Variants in SMG6 observed in about 807,000 individuals in gnomAD.
SMG6 encodes the protein SMG6 nonsense mediated mRNA decay factor.
A neutral mutation model predicts 142.2 loss-of-function variants in SMG6; 66 were observed. The observed-to-expected ratio is 0.46, with a 90% confidence interval of 0.38 to 0.57. SMG6 has a LOEUF of 0.57. Among genes scored for constraint, SMG6 ranks in the 20% least tolerant of loss-of-function variants. The pLI is 0.00. For synonymous variants in SMG6, 779 were observed against 702.4 expected (o/e 1.11, Z -1.72); for missense variants, 1,793 against 1,832.0 (o/e 0.98, Z 0.39).
chr17:2,207,808 G>A (rs1054867651), intron 10 of SMG6, among the ~76,000 whole-genome samples: 6 of 151,868 alleles, frequency 4.0e-5, no homozygotes, highest in Non-Finnish European at 5.9e-5. Context: ...CATAAATGTG[G>A]GATTAGCAAC....
intron 9 of SMG6, among the ~76,000 whole-genome samples, chr17:2,242,117 A>G (rs1020273437): frequency 1.3e-5 from 2 of 152,148 alleles, no homozygotes; most frequent in Non-Finnish European, 2.9e-5. Flanking sequence ...TTAGGGCAAC[A>G]TGGTACGGGA....
chr17:2,132,408 A>T (rs1345179493), intron 13 of SMG6, among the ~76,000 whole-genome samples: 2 of 152,216 alleles, frequency 1.3e-5, no homozygotes, highest in African/African-American at 4.8e-5. Context: ...AGCCCAGTCT[A>T]CATGTGGACT....
At position 2,303,392 on chromosome 17, in the gene SMG6, G is replaced by C. The variant is rs190452668; in HGVS notation, c.88+241C>G. 5,215 of 1,241,800 alleles carry C rather than the reference G, an allele frequency of 4.2e-3. 19 individuals are homozygous for C. The highest frequency in any genetic ancestry group is 4.9e-3 in the Non-Finnish European group (4,829 of 992,326). 76.9% of individuals were successfully genotyped at this position (1,241,800 alleles called of 1,614,324 possible). A position where few individuals can be genotyped will look rare whatever the true frequency, so the allele number is the denominator to read the frequency against. On this transcript the variant is annotated intron_variant, in intron 1 of 18. Coordinates refer to ENST00000263073, the MANE Select transcript of SMG6 (RefSeq NM_017575.5). ...GAACAGTCACCTTCGCGGCGAGAAA[G>C]AGGGTGGAGGCAGGAATTCGGGCCA...
intron 18 of SMG6, among the ~76,000 whole-genome samples, chr17:2,064,245 A>C (rs2067872112): frequency 6.6e-6 from 1 of 152,134 alleles, no homozygotes; most frequent in Non-Finnish European, 1.5e-5. Flanking sequence ...GATGACACAG[A>C]GCTGGCAGGT....
chr17:2,156,965 G>C (rs1295111589), intron 13 of SMG6, among the ~76,000 whole-genome samples: 2 of 152,258 alleles, frequency 1.3e-5, no homozygotes, highest in East Asian at 1.9e-4. Context: ...CATTCTTCTA[G>C]TTCATGCTTT....
chr17:2,169,471 T>C (rs918906455), intron 13 of SMG6, among the ~76,000 whole-genome samples: 1 of 152,042 alleles, frequency 6.6e-6, no homozygotes, highest in Non-Finnish European at 1.5e-5. Context: ...TAAAGCAGAG[T>C]ACCACTTTAT....
intron 8 of SMG6, among the ~76,000 whole-genome samples, chr17:2,278,641 C>T (rs1020398076): frequency 9.2e-5 from 14 of 152,046 alleles, no homozygotes; most frequent in Admixed American, 9.2e-4. Context: ...TTATAGAAAT[C>T]CAATTATATC....
chr17:2,278,205 T>C (rs2074704584), intron 8 of SMG6, among the ~76,000 whole-genome samples: 1 of 28,878 alleles, frequency 3.5e-5, no homozygotes, highest in East Asian at 3.4e-3. Context: ...TTATATATAC[T>C]TTTTTTTTTT....
chr17:2,207,626 C>CATAT (rs1430339322), intron 10 of SMG6, among the ~76,000 whole-genome samples: 1 of 151,876 alleles, frequency 6.6e-6, no homozygotes. Flanking sequence ...TAAATATATA[C>CATAT]ATATATAAAC....
chr17:2,098,354 T>C (rs1473632712), intron 13 of SMG6, among the ~76,000 whole-genome samples: 1 of 152,204 alleles, frequency 6.6e-6, no homozygotes, highest in African/African-American at 2.4e-5. Context: ...TATCTCCCTT[T>C]ATGGAGTACA....
At chr17:2,249,759 G>C (rs533470187) in intron 8 of SMG6, among the ~76,000 whole-genome samples, 1 of 152,188 alleles carries the variant, frequency 6.6e-6, no homozygotes, top group Non-Finnish European at 1.5e-5. Context: ...AAACAAAAAT[G>C]CTTCTTGGGT....
At chr17:2,178,453 G>A (rs1276786028) in intron 12 of SMG6, among the ~76,000 whole-genome samples, 1 of 152,174 alleles carries the variant, frequency 6.6e-6, no homozygotes, top group African/African-American at 2.4e-5. Context: ...GTCGACTTGG[G>A]ACTTTGGGAG....
rs757731719 is a variant in SMG6, at chr17:2,291,851, T to TAA, written c.2337+700_2337+701insTT. Among the ~76,000 whole-genome samples the TAA allele has an allele frequency of 4.9e-3, 488 of 100,580 alleles. 4 individuals carry two copies. Among genetic ancestry groups the TAA allele is most frequent in the East Asian group, 0.028 (81 of 2,930 alleles). The allele number at this position is 100,580 out of a possible 152,430, so 66.0% of individuals were successfully genotyped here. A position where few individuals can be genotyped will look rare whatever the true frequency, so the allele number is the denominator to read the frequency against. On this transcript the variant is annotated intron_variant, in intron 6 of 18. Coordinates refer to ENST00000263073, the MANE Select transcript of SMG6 (RefSeq NM_017575.5). ...GTGACAGAGCAAGACCCTGCCTCTC[T>TAA]TAAAAAAAAAAAAAAAAAAAGAGAG... is the stretch of plus-strand genomic sequence containing the variant.
At chr17:2,141,145 A>G (rs2151573895) in intron 13 of SMG6, among the ~76,000 whole-genome samples, 1 of 152,364 alleles carries the variant, frequency 6.6e-6, no homozygotes. Context: ...CAAGTATTCA[A>G]AAGTCACATG....
intron 13 of SMG6, among the ~76,000 whole-genome samples, chr17:2,138,662 A>G (rs189276808): frequency 6.6e-6 from 1 of 152,330 alleles, no homozygotes; most frequent in East Asian, 1.9e-4. Flanking sequence ...CTCTAAGAAT[A>G]AGAATGGAAA....
chr17:2,087,384 T>C (rs117908996), intron 13 of SMG6: 32,191 of 1,189,624 alleles, frequency 0.027, 476 homozygotes, highest in Non-Finnish European at 0.03. Flanking sequence ...GTGTGCTCTG[T>C]GGCTGCATCC....
chr17:2,258,401 CA>C (rs1356779465), intron 8 of SMG6, among the ~76,000 whole-genome samples: 3 of 151,426 alleles, frequency 2.0e-5, no homozygotes, highest in Admixed American at 6.6e-5. Context: ...ACTAAAATCA[CA>C]AAAAAATTAG....
intron 10 of SMG6, among the ~76,000 whole-genome samples, chr17:2,193,977 C>T (rs1056948707): frequency 1.7e-4 from 26 of 152,284 alleles, no homozygotes; most frequent in African/African-American, 5.5e-4. Flanking sequence ...ATTAGAGGCA[C>T]GCACAGTTTC....
At chr17:2,258,060 C>CATATATAG (rs1486426443) in intron 8 of SMG6, among the ~76,000 whole-genome samples, 1 of 95,500 alleles carries the variant, frequency 1.0e-5, no homozygotes, top group Non-Finnish European at 2.4e-5. Flanking sequence ...CACACACACA[C>CATATATAG]ACACACATAT....
Sources: allele counts gnomAD v4.1 joint callset (sites outside exome capture counted in the v4.1 genomes callset), GRCh38; gene constraint gnomAD v4.1.1; transcripts MANE v1.5; gene names NCBI Gene and HGNC (gene_info 2026-07-23, HGNC 2026-07-21).